Variants in CBL observed in about 807,000 individuals in gnomAD.
CBL encodes Cbl proto-oncogene, also known as E3 ubiquitin-protein ligase CBL.
Under a neutral mutation model 96.9 loss-of-function variants are expected in CBL, and 45 were observed. The observed-to-expected ratio is 0.46, with a 90% confidence interval of 0.37 to 0.60. The LOEUF is 0.60. Among genes scored for constraint, CBL ranks in the 20% least tolerant of loss-of-function variants. CBL has a pLI of 0.00. For synonymous variants in CBL, 420 were observed against 426.8 expected (o/e 0.98, Z 0.20); for missense variants, 1,024 against 1,143.5 (o/e 0.90, Z 1.51).
chr11:119,264,222 T>C (rs894102695), intron 2 of CBL, among the ~76,000 whole-genome samples: 2 of 152,262 alleles, frequency 1.3e-5, no homozygotes, highest in South Asian at 2.1e-4. Context: ...TTTTCTTCAG[T>C]GGATTTTTTG....
At position 119,278,261 on chromosome 11, in the gene CBL, A is replaced by G. The variant is rs761630653; in HGVS notation, c.1191A>G (p.Gly397=). The change falls in exon 8 of 16, where the codon GGA becomes GGG. Residue 397 remains glycine (G), a synonymous_variant. Coordinates refer to ENST00000264033, the MANE Select transcript of CBL (RefSeq NM_005188.4). ...AGGATGTAAAGATTGAGCCCTGTGG[A>G]CACCTCATGTGCACATCCTGTCTTA... The part of the protein sequence containing the change: ...NDKDVKIEPC[G]HLMCTSCLTS... The G allele has an allele frequency of 6.8e-6, 11 of 1,613,864 alleles. No individual in the cohort carries two copies. Among genetic ancestry groups the G allele is most frequent in the South Asian group, 1.1e-5 (1 of 91,078 alleles).
intron 2 of CBL, among the ~76,000 whole-genome samples, chr11:119,240,200 C>T (rs1949574023): frequency 6.6e-6 from 1 of 151,780 alleles, no homozygotes; most frequent in Admixed American, 6.6e-5. Flanking sequence ...GAGGCTAAGG[C>T]ACGAGAATTG....
chr11:119,290,227 G>T (rs939939719), intron 12 of CBL, among the ~76,000 whole-genome samples: 8 of 151,692 alleles, frequency 5.3e-5, no homozygotes, highest in Non-Finnish European at 1.2e-4. Flanking sequence ...TGCATTTTTT[G>T]TGGAGATGGG....
chr11:119,247,173 C>A (rs550649126), intron 2 of CBL, among the ~76,000 whole-genome samples: 1 of 152,286 alleles, frequency 6.6e-6, no homozygotes, highest in African/African-American at 2.4e-5. Context: ...ATTCATCATT[C>A]TTTCAAGTAA....
In CBL at chr11:119,300,190, A is replaced by G; in HGVS notation, c.*409A>G. 2.0e-6 allele frequency: 1 copy of G among 489,550 alleles called. No individual in the cohort carries two copies. Among genetic ancestry groups the G allele is most frequent in the Non-Finnish European group, 3.6e-6 (1 of 279,626 alleles). 30.3% of individuals were successfully genotyped at this position (489,550 alleles called of 1,614,324 possible). On this transcript the variant is annotated 3_prime_UTR_variant, in exon 16 of 16. Transcript: ENST00000264033. ...TGGTTGTATGTGTCCTTGTGATTAT[A>G]AGATTAACCTGCTGTGTGTGTTAAT...
At chr11:119,289,579 G>A (rs771473674) in intron 12 of CBL, 5 of 146,470 alleles carry the variant, frequency 3.4e-5, no homozygotes, top group Non-Finnish European at 6.0e-5. Context: ...TGGAACGCTT[G>A]ATGAATTTGT....
At chr11:119,263,948 A>C (rs1033480932) in intron 2 of CBL, among the ~76,000 whole-genome samples, 1 of 152,240 alleles carries the variant, frequency 6.6e-6, no homozygotes, top group African/African-American at 2.4e-5. Context: ...ACTTAAAAGC[A>C]GTGATCATGT....
At position 119,299,781 on chromosome 11, in the gene CBL, G is replaced by A. The variant is rs937827423; in HGVS notation, c.2721G>A (p.Ter907=). 9 of 1,613,820 alleles carry A rather than the reference G, an allele frequency of 5.6e-6. No homozygotes were observed. The African/African-American group carries it at 9.3e-5, about 17-fold the overall frequency. ...SISSPAHVAT[*] ...CTTCTCCTGCCCATGTAGCTACCTAGCACACCATCTCCCTGCTGCAGGTTT... is the reference window on the plus strand; with the variant it reads ...CTTCTCCTGCCCATGTAGCTACCTAACACACCATCTCCCTGCTGCAGGTTT... The change falls in exon 16 of 16, where the codon TAG becomes TAA. Residue 907 remains the stop codon, a stop_retained_variant. Transcript: ENST00000264033.
intron 1 of CBL, among the ~76,000 whole-genome samples, chr11:119,223,579 G>T (rs1042179667): frequency 2.7e-5 from 4 of 150,560 alleles, no homozygotes; most frequent in African/African-American, 7.3e-5. Flanking sequence ...ACAGGCGCCC[G>T]CCACCACGCC....
At chr11:119,236,283 G>C (rs1264259942) in intron 2 of CBL, among the ~76,000 whole-genome samples, 1 of 151,830 alleles carries the variant, frequency 6.6e-6, no homozygotes, top group Non-Finnish European at 1.5e-5. Context: ...TGTCTATGTG[G>C]ATTTGCCTGC....
chr11:119,234,346 C>T (rs970846905), intron 2 of CBL, among the ~76,000 whole-genome samples: 2 of 152,158 alleles, frequency 1.3e-5, no homozygotes, highest in South Asian at 2.1e-4. Context: ...GAATTCAATC[C>T]GTAAGAGCCT....
In CBL at chr11:119,306,172, A is replaced by C; in HGVS notation, c.*6391A>C. On this transcript the variant is annotated 3_prime_UTR_variant, in exon 16 of 16. Transcript: ENST00000264033. ...GTCCATGGCGAGTCAGGTGGGGAGC[A>C]CGGGTGGAAGGGCCGGCTGTTGACA... The C allele has an allele frequency of 2.5e-6, 1 of 398,060 alleles. No individual in the cohort carries two copies. The highest frequency in any genetic ancestry group is 3.6e-5 in the East Asian group (1 of 28,068). The allele number at this position is 398,060 out of a possible 1,614,324, so 24.7% of individuals were successfully genotyped here. A position where few individuals can be genotyped will look rare whatever the true frequency, so the allele number is the denominator to read the frequency against.
intron 2 of CBL, among the ~76,000 whole-genome samples, chr11:119,244,517 A>G (rs937882947): frequency 6.6e-6 from 1 of 150,526 alleles, no homozygotes; most frequent in Non-Finnish European, 1.5e-5. Context: ...TCCAGGGCTC[A>G]TGTGATTCTC....
At chr11:119,210,361 A>G (rs1949306272) in intron 1 of CBL, among the ~76,000 whole-genome samples, 1 of 152,172 alleles carries the variant, frequency 6.6e-6, no homozygotes, top group South Asian at 2.1e-4. Flanking sequence ...TGGGCAACAG[A>G]GTGACACCCT....
chr11:119,225,068 G>C (rs1288834195), intron 1 of CBL, among the ~76,000 whole-genome samples: 2 of 151,688 alleles, frequency 1.3e-5, no homozygotes, highest in Non-Finnish European at 2.9e-5. Context: ...GTGTGTGTGT[G>C]TGTGTGCGCG....
At chr11:119,279,175 T>A (rs896516722) in intron 9 of CBL, among the ~76,000 whole-genome samples, 12 of 151,848 alleles carry the variant, frequency 7.9e-5, no homozygotes, top group East Asian at 5.8e-4. Flanking sequence ...CTGTTCCCTT[T>A]TTTTTTTTTT....
chr11:119,288,137 T>A (rs1370490733), intron 12 of CBL, among the ~76,000 whole-genome samples, 191 bp downstream of exon 12: 1 of 152,256 alleles, frequency 6.6e-6, no homozygotes, highest in Non-Finnish European at 1.5e-5. Flanking sequence ...TACCTAGATC[T>A]GTTTTGCTGG....
Position 119,274,026 on chromosome 11 carries a change from T to C in CBL, c.747+2T>C, listed in dbSNP as rs2135299144. ...GACATCTTTACCCGACTCTTTCAGG[T>C]AGGACACTAAAAAAGTTGACTAAAC... On this transcript the variant is annotated splice_donor_variant, in intron 4 of 15. Coordinates refer to ENST00000264033, the MANE Select transcript of CBL (RefSeq NM_005188.4). LOFTEE classifies it high-confidence loss of function. The C allele has an allele frequency of 6.2e-7, 1 of 1,612,788 alleles. No individual in the cohort carries two copies. Among genetic ancestry groups the C allele is most frequent in the Non-Finnish European group, 8.5e-7 (1 of 1,179,306 alleles).
intron 12 of CBL, among the ~76,000 whole-genome samples, chr11:119,288,882 G>A (rs931951609): frequency 2.0e-5 from 3 of 152,070 alleles, no homozygotes; most frequent in African/African-American, 7.2e-5. Context: ...ATTTTAGGGG[G>A]AACACAAACA....
Sources: gnomAD v4.1 joint callset for allele counts (sites outside exome capture counted in the v4.1 genomes callset) on GRCh38, gnomAD v4.1.1 for gene constraint, MANE v1.5 for transcripts, NCBI Gene and HGNC (gene_info 2026-07-23, HGNC 2026-07-21) for gene names.